DDC: variants seen among roughly 807,000 people sequenced by gnomAD.
DDC encodes dopa decarboxylase, also known as aromatic-L-amino-acid decarboxylase.
In DDC, 43 loss-of-function variants were observed where a neutral mutation model predicts 60.0. That is an observed-to-expected ratio of 0.72 (90% CI 0.56 to 0.92). DDC has a LOEUF of 0.92. Ranked by LOEUF, DDC falls within the 40% of genes least tolerant of loss-of-function variation. The pLI, the probability that DDC is intolerant of heterozygous loss-of-function variation, is 0.00. For missense variants in DDC, 573 were observed against 620.2 expected (o/e 0.92, Z 0.81); for synonymous variants, 232 against 234.6 (o/e 0.99, Z 0.10).
intron 6 of DDC, among the ~76,000 whole-genome samples, chr7:50,510,679 A>G (rs2043535748): frequency 6.7e-6 from 1 of 150,280 alleles, no homozygotes; most frequent in Non-Finnish European, 1.5e-5. Flanking sequence ...AAAAAAAAAA[A>G]AAAAAAAATG....
chr7:50,534,276 G>C (rs1211898076), intron 4 of DDC, among the ~76,000 whole-genome samples: 2 of 152,120 alleles, frequency 1.3e-5, no homozygotes, highest in Non-Finnish European at 2.9e-5. Context: ...CCTTTCAGAA[G>C]GCCTGCTCCT....
intron 6 of DDC, among the ~76,000 whole-genome samples, chr7:50,518,941 G>A: frequency 6.6e-6 from 1 of 152,082 alleles, no homozygotes; most frequent in East Asian, 1.9e-4. Flanking sequence ...CAGTCAGCAG[G>A]GTAAACAGAC....
intron 6 of DDC, among the ~76,000 whole-genome samples, chr7:50,506,531 G>A (rs2043401409): frequency 1.3e-5 from 2 of 152,312 alleles, no homozygotes; most frequent in Non-Finnish European, 2.9e-5. Flanking sequence ...GAACTTGCAA[G>A]TGAGTCCTTT....
chr7:50,536,362 T>G (rs550261460), intron 4 of DDC, among the ~76,000 whole-genome samples: 21 of 152,328 alleles, frequency 1.4e-4, no homozygotes, highest in Middle Eastern at 3.4e-3. Context: ...CCCAACCACC[T>G]TGGGCACATG....
intron 1 of DDC, among the ~76,000 whole-genome samples, chr7:50,552,449 C>A (rs1423212115): frequency 6.6e-6 from 1 of 152,194 alleles, no homozygotes; most frequent in Non-Finnish European, 1.5e-5. Context: ...TGCCTGTGCA[C>A]GGTGAGCTGG....
At chr7:50,492,997 T>A in intron 9 of DDC, 1 of 1,598,012 alleles carries the variant, frequency 6.3e-7, no homozygotes, top group Non-Finnish European at 8.5e-7. Context: ...ACGCACTGGT[T>A]GTCTGGACCT....
intron 11 of DDC, among the ~76,000 whole-genome samples, chr7:50,470,409 A>G (rs962938495): frequency 1.3e-5 from 2 of 152,212 alleles, no homozygotes; most frequent in African/African-American, 2.4e-5. Flanking sequence ...GGAGCCAGTG[A>G]TGTTCATTGT....
intron 11 of DDC, among the ~76,000 whole-genome samples, chr7:50,476,391 C>G (rs1168025184): frequency 2.6e-5 from 4 of 152,198 alleles, no homozygotes; most frequent in Non-Finnish European, 5.9e-5. Context: ...TCCCCAGGAG[C>G]AAAGTCCAGG....
At chr7:50,550,900 G>A (rs1481991790) in intron 1 of DDC, among the ~76,000 whole-genome samples, 1 of 152,192 alleles carries the variant, frequency 6.6e-6, no homozygotes, top group African/African-American at 2.4e-5. Flanking sequence ...ATACCTTGAA[G>A]AACTTTGTGT....
At chr7:50,490,680 C>T (rs1221335448) in intron 9 of DDC, among the ~76,000 whole-genome samples, 1 of 152,146 alleles carries the variant, frequency 6.6e-6, no homozygotes, top group Non-Finnish European at 1.5e-5. Flanking sequence ...CAGAGCAAGG[C>T]TCTGTCTCAA....
intron 9 of DDC, among the ~76,000 whole-genome samples, chr7:50,488,620 T>A (rs1194112160): frequency 6.7e-6 from 1 of 149,634 alleles, no homozygotes; most frequent in East Asian, 1.9e-4. Flanking sequence ...AAAAAGAGAA[T>A]TTATGAAAAA....
At chr7:50,497,690 C>T (rs571092320) in intron 8 of DDC, among the ~76,000 whole-genome samples, 17 of 152,296 alleles carry the variant, frequency 1.1e-4, no homozygotes, top group South Asian at 6.2e-4. Context: ...GAGAACTTCT[C>T]ATATACTATA....
At chr7:50,503,388 A>T (rs1585195310) in intron 7 of DDC, among the ~76,000 whole-genome samples, 1 of 152,196 alleles carries the variant, frequency 6.6e-6, no homozygotes, top group Non-Finnish European at 1.5e-5. Flanking sequence ...GCTCATTCAC[A>T]TTCACCTTTT....
chr7:50,492,587 G>A, intron 9 of DDC: 2 of 727,396 alleles, frequency 2.7e-6, no homozygotes, highest in Non-Finnish European at 3.5e-6. Context: ...CCAGAGGATG[G>A]GAACTAACCC....
intron 9 of DDC, among the ~76,000 whole-genome samples, chr7:50,489,892 AT>A: frequency 6.6e-6 from 1 of 152,342 alleles, no homozygotes; most frequent in South Asian, 2.1e-4. Flanking sequence ...GAAATTATAT[AT>A]TTTGGTCAAG....
At chr7:50,542,611 G>C (rs1330656773) in intron 2 of DDC, 1 of 152,206 alleles carries the variant, frequency 6.6e-6, no homozygotes, top group Non-Finnish European at 1.5e-5. Context: ...TCTGCGCAGT[G>C]AATGCCCCCA....
intron 13 of DDC, among the ~76,000 whole-genome samples, chr7:50,464,101 C>T (rs571699202): frequency 6.6e-6 from 1 of 152,094 alleles, no homozygotes; most frequent in South Asian, 2.1e-4. Context: ...CTCTGTCCTT[C>T]TTCTGTTTGC....
intron 13 of DDC, among the ~76,000 whole-genome samples, chr7:50,465,624 G>A (rs550360827): frequency 3.3e-5 from 5 of 152,264 alleles, no homozygotes; most frequent in Admixed American, 6.5e-5. Flanking sequence ...TGGCCTCCTC[G>A]GCCTCCCAAA....
chr7:50,511,224 T>G (rs1308999385), intron 6 of DDC, among the ~76,000 whole-genome samples: 1 of 151,610 alleles, frequency 6.6e-6, no homozygotes, highest in Non-Finnish European at 1.5e-5. Context: ...ATGTTATATG[T>G]ATGTGTGTAC....
Sources: gnomAD v4.1 joint callset for allele counts (sites outside exome capture counted in the v4.1 genomes callset) on GRCh38, gnomAD v4.1.1 for gene constraint, MANE v1.5 for transcripts, NCBI Gene and HGNC (gene_info 2026-07-23, HGNC 2026-07-21) for gene names.